BYSL: variants seen among roughly 807,000 people sequenced by gnomAD.
BYSL encodes the protein bystin like, also known as bystin.
Under a neutral mutation model 45.4 loss-of-function variants are expected in BYSL, and 21 were observed. The observed-to-expected ratio is 0.46, with a 90% confidence interval of 0.33 to 0.67. BYSL has a LOEUF of 0.67. Among genes scored for constraint, BYSL ranks in the 30% least tolerant of loss-of-function variants. The probability of loss-of-function intolerance (pLI) is 0.02; values close to 1 mark genes in which losing one functional copy is unlikely to be tolerated. For missense variants in BYSL, 522 were observed against 578.5 expected (o/e 0.90, Z 1.00); for synonymous variants, 215 against 231.3 (o/e 0.93, Z 0.64).
intron 1 of BYSL, among the ~76,000 whole-genome samples, chr6:41,922,806 T>C (rs1775506144): frequency 6.6e-6 from 1 of 152,196 alleles, no homozygotes; most frequent in Admixed American, 6.5e-5. Context: ...AGCTCAAATT[T>C]AACATGTACA....
At chr6:41,913,914 T>C in the BYSL span, among the ~76,000 whole-genome samples, 4 of 152,104 alleles carry the variant, frequency 2.6e-5, no homozygotes, top group Admixed American at 2.0e-4. Context: ...AAAAATTACA[T>C]GACAATCTCA....
At position 41,921,673 on chromosome 6, in the gene BYSL, G is replaced by T. The variant is rs1277169845; in HGVS notation, c.111G>T (p.Arg37=). The change falls in exon 1 of 7, where the codon CGG becomes CGT. Residue 37 remains arginine, a synonymous_variant. Coordinates refer to ENST00000230340, the MANE Select transcript of BYSL (RefSeq NM_004053.4). ...NAVRAGVREK[R]RGRGTGEAEE... ...TGCGGGCGGGGGTCCGGGAGAAGCG[G>T]CGGGGTCGCGGGACAGGAGAAGCGG... 6.2e-7 allele frequency: 1 copy of T among 1,612,916 alleles called. No individual in the cohort carries two copies. Among genetic ancestry groups the T allele is most frequent in the Admixed American group, 1.7e-5 (1 of 59,882 alleles).
At chr6:41,912,399 C>T in the BYSL span, among the ~76,000 whole-genome samples, 1 of 139,738 alleles carries the variant, frequency 7.2e-6, no homozygotes, top group African/African-American at 2.7e-5. Flanking sequence ...CTCTGTTGTC[C>T]AGGCTGGAGT....
rs1775629222 is a variant in BYSL at position 41,930,878 on chromosome 6, G to A, written c.704+110G>A. 4 of 1,413,132 alleles carry A rather than the reference G, an allele frequency of 2.8e-6. No individual in the cohort carries two copies. The South Asian group carries it at 5.7e-5, about 20-fold the overall frequency. The allele number at this position is 1,413,132 out of a possible 1,614,324, so 87.5% of individuals were successfully genotyped here. A position where few individuals can be genotyped will look rare whatever the true frequency, so the allele number is the denominator to read the frequency against. On this transcript the variant is annotated intron_variant, in intron 4 of 6. Transcript: ENST00000230340. ...CAGGGCATTTGAGCTTTGCCCCAGG[G>A]CCCTCTCTGTGCTACTTTATAGCAT...
At chr6:41,918,879 G>A (rs1418156084), upstream of BYSL, among the ~76,000 whole-genome samples, 2 of 148,774 alleles carry the variant, frequency 1.3e-5, no homozygotes, top group Non-Finnish European at 3.0e-5. Context: ...CCCGGGAAGC[G>A]GAGCTTGCAG....
At chr6:41,931,966 G>A (rs1775647432) in intron 6 of BYSL, 136 bp downstream of exon 6, 2 of 811,860 alleles carry the variant, frequency 2.5e-6, no homozygotes, top group Non-Finnish European at 2.1e-6. Flanking sequence ...CAATGAGTAG[G>A]TGTATCATTA....
At position 41,932,527 on chromosome 6, in the gene BYSL, C is replaced by T; in HGVS notation, c.1135C>T (p.His379Tyr). 6.2e-7 allele frequency: 1 copy of T among 1,614,222 alleles called. No homozygotes were observed. Among genetic ancestry groups the T allele is most frequent in the Non-Finnish European group, 8.5e-7 (1 of 1,180,040 alleles). Reference protein sequence around the residue: ...TEKRELPVLWHQCLLTLVQRY... With the variant: ...TEKRELPVLWYQCLLTLVQRY... ...GAAGCGTGAACTGCCTGTGCTGTGG[C>T]ACCAGTGCCTCCTGACTTTGGTCCA... Residue 379 changes from histidine to tyrosine, a missense_variant, in exon 7 of 7, where the codon CAC (histidine) becomes TAC (tyrosine). Transcript: ENST00000230340. The surrounding 1 kb of genome is among the most constrained non-coding windows in gnomAD (Gnocchi z 4.7).
In BYSL at chr6:41,932,495, G is replaced by A. The variant is rs34658276; in HGVS notation, c.1103G>A (p.Arg368Gln). ...DALVFHFLGF[R>Q]TEKRELPVLW... ...CTAGTCTTCCACTTCCTGGGGTTCC[G>A]GACAGAGAAGCGTGAACTGCCTGTG... The change falls in exon 7 of 7, where the codon CGG becomes CAG. Residue 368 changes from arginine to glutamine, a missense_variant. Arg to Gln is a conservative substitution (Grantham distance 43). Transcript: ENST00000230340. The surrounding 1 kb of genome is among the most constrained non-coding windows in gnomAD (Gnocchi z 4.7). 1,355 of 1,614,188 alleles carry A rather than the reference G, an allele frequency of 8.4e-4. 10 individuals carry two copies. In the African/African-American group the frequency reaches 0.016, roughly 19 times the overall value.
intron 4 of BYSL, among the ~76,000 whole-genome samples, chr6:41,931,051 A>G (rs555002844): frequency 2.0e-5 from 2 of 98,858 alleles, no homozygotes; most frequent in Admixed American, 9.1e-5. Context: ...AGAGGCTTTT[A>G]TAGCCACTGG....
At chr6:41,928,966 C>T (rs758691369) in intron 2 of BYSL, among the ~76,000 whole-genome samples, 2 of 152,196 alleles carry the variant, frequency 1.3e-5, no homozygotes, top group Non-Finnish European at 2.9e-5. Context: ...CAGGATCTCA[C>T]TCTGTCACCC....
At chr6:41,927,648 G>T in intron 2 of BYSL, 112 bp downstream of exon 2, 1 of 1,356,146 alleles carries the variant, frequency 7.4e-7, no homozygotes, top group Non-Finnish European at 1.0e-6. Flanking sequence ...GGAGTTGCTA[G>T]CTGTAGGGGA....
At chr6:41,919,403 T>C (rs371949089), upstream of BYSL, among the ~76,000 whole-genome samples, 1 of 152,240 alleles carries the variant, frequency 6.6e-6, no homozygotes, top group South Asian at 2.1e-4. Context: ...ATAGATGACA[T>C]TGCTTTATGA....
At chr6:41,931,313 A>G (rs987263937) in intron 4 of BYSL, 83 bp from the exon 5 acceptor site, 19 of 1,504,132 alleles carry the variant, frequency 1.3e-5, no homozygotes, top group Non-Finnish European at 1.7e-5. Context: ...AACCTCTTGT[A>G]TGCACTATCC....
Position 41,932,712 on chromosome 6 carries a change from A to G in BYSL, c.*6A>G. The stretch of plus-strand genomic sequence containing the variant: ...TTCCCATCACCGTGGAGTGAGGAAA[A>G]CAGTCAGCTGTCCTGGCCAAAGGGG... On this transcript the variant is annotated 3_prime_UTR_variant, in exon 7 of 7. Transcript: ENST00000230340. This position sits in a 1 kb window ranked among gnomAD's most constrained non-coding sequence, Gnocchi z 4.7. 6.2e-7 allele frequency: 1 copy of G among 1,600,380 alleles called. No individual in the cohort carries two copies.
At chr6:41,925,115 A>C (rs575661567) in intron 1 of BYSL, among the ~76,000 whole-genome samples, 1 of 152,292 alleles carries the variant, frequency 6.6e-6, no homozygotes, top group African/African-American at 2.4e-5. Flanking sequence ...AGCAGCTTAC[A>C]GGAGACACCT....
chr6:41,927,620 A>C (rs114055150), intron 2 of BYSL, 84 bp downstream of exon 2: 2 of 1,538,316 alleles, frequency 1.3e-6, no homozygotes, highest in Admixed American at 3.7e-5. Flanking sequence ...ATGATTCCCT[A>C]CCTTTGGAAA....
upstream of BYSL, chr6:41,921,215 C>T: frequency 1.4e-6 from 1 of 700,104 alleles, no homozygotes. Flanking sequence ...GACGCCTCCA[C>T]TGACATCATC....
the BYSL span, among the ~76,000 whole-genome samples, chr6:41,914,631 ATTGCC>A: frequency 2.7e-5 from 4 of 150,662 alleles, no homozygotes; most frequent in South Asian, 8.4e-4. Flanking sequence ...AGTCTCTCTC[ATTGCC>A]TAAGCCCAGG....
chr6:41,921,131 C>T (rs1320797667), upstream of BYSL: 19 of 1,395,832 alleles, frequency 1.4e-5, no homozygotes, highest in African/African-American at 2.9e-5. Context: ...GAAGGGACTC[C>T]GGAAATACGT....
Sources: gnomAD v4.1 joint callset for allele counts (sites outside exome capture counted in the v4.1 genomes callset) on GRCh38, gnomAD v4.1.1 for gene constraint, Gnocchi (gnomAD v3.1) non-coding constraint, MANE v1.5 for transcripts, NCBI Gene and HGNC (gene_info 2026-07-23, HGNC 2026-07-21) for gene names.